COP1: variants seen among roughly 807,000 people sequenced by gnomAD.
COP1 encodes E3 ubiquitin-protein ligase COP1.
COP1 carries 24 observed loss-of-function variants against 101.3 expected under a neutral mutation model. That is an observed-to-expected ratio of 0.24 (90% CI 0.17 to 0.33). COP1 has a LOEUF of 0.33. Ranked by LOEUF, COP1 falls within the 10% of genes least tolerant of loss-of-function variation. The probability of loss-of-function intolerance (pLI) is 1.00; values close to 1 mark genes in which losing one functional copy is unlikely to be tolerated. For missense variants in COP1, 663 were observed against 906.2 expected (o/e 0.73, Z 3.45); for synonymous variants, 347 against 341.9 (o/e 1.01, Z -0.17).
At position 175,991,733 on chromosome 1, in the gene COP1, A is replaced by T. The variant is rs192098461; in HGVS notation, c.1730-2254T>A. Among the ~76,000 whole-genome samples the T allele has an allele frequency of 6.3e-3, 956 of 152,322 alleles. 8 individuals are homozygous for T. The highest frequency in any genetic ancestry group is 7.6e-3 in the Non-Finnish European group (518 of 68,018). ...AATTAAAATAGGAAAAAGCTTTTTA[A>T]ACTTTTTTGTTAAAAACTAAGAAAC... On this transcript the variant is annotated intron_variant, in intron 15 of 19. Coordinates refer to ENST00000367669, the MANE Select transcript of COP1 (RefSeq NM_022457.7).
At chr1:176,033,381 C>T (rs1008858485) in intron 14 of COP1, among the ~76,000 whole-genome samples, 1 of 152,004 alleles carries the variant, frequency 6.6e-6, no homozygotes, top group Non-Finnish European at 1.5e-5. Context: ...GAGCTGAGAT[C>T]GTGCCATTGC....
intron 1 of COP1, among the ~76,000 whole-genome samples, chr1:176,192,630 G>C (rs1479137531): frequency 6.6e-6 from 1 of 152,032 alleles, no homozygotes; most frequent in Non-Finnish European, 1.5e-5. Flanking sequence ...CATTTCAGAA[G>C]AGTACCCAAT....
chr1:176,151,111 A>G (rs981638542), intron 5 of COP1, among the ~76,000 whole-genome samples: 6 of 152,070 alleles, frequency 3.9e-5, no homozygotes, highest in Non-Finnish European at 5.9e-5. Context: ...ATGAAAGTCC[A>G]AGAAGTCAAT....
intron 10 of COP1, among the ~76,000 whole-genome samples, chr1:176,084,112 G>A (rs1379893560): frequency 6.6e-6 from 1 of 151,916 alleles, no homozygotes; most frequent in African/African-American, 2.4e-5. Context: ...TTAAAGGTCT[G>A]CCACTTGCCT....
At chr1:176,019,463 AAATAAT>A (rs34362717) in intron 15 of COP1, among the ~76,000 whole-genome samples, 11,450 of 132,244 alleles carry the variant, frequency 0.087, 587 homozygotes, top group Middle Eastern at 0.14. Context: ...ACTCCATCTC[AAATAAT>A]AATAATAATA....
chr1:176,043,780 G>A lies in COP1; in HGVS notation c.1460C>T (p.Ala487Val). The A allele has an allele frequency of 6.2e-7, 1 of 1,611,392 alleles. No individual in the cohort carries two copies. Among genetic ancestry groups the A allele is most frequent in the Non-Finnish European group, 8.5e-7 (1 of 1,177,684 alleles). The change falls in exon 13 of 20, where the codon GCT (alanine) becomes GTT (valine). Residue 487 changes from alanine (A) to valine (V), a missense_variant. Physicochemically the swap from Ala to Val is moderately conservative, Grantham distance 64. Coordinates refer to ENST00000367669, the MANE Select transcript of COP1 (RefSeq NM_022457.7). ...AACAGTGCCTTCATAATCACTGCTA[G>A]CTAACAGGTTCTTATGGTAACTACT... ...SWSSYHKNLL[A>V]SSDYEGTVIL...
chr1:176,086,366 C>A (rs545226636), intron 9 of COP1, among the ~76,000 whole-genome samples: 1 of 151,720 alleles, frequency 6.6e-6, no homozygotes, highest in African/African-American at 2.4e-5. Flanking sequence ...GCTGGGACTA[C>A]AGCCGCCCGC....
chr1:176,172,845 G>GT (rs957289525), intron 3 of COP1, among the ~76,000 whole-genome samples: 5 of 152,190 alleles, frequency 3.3e-5, no homozygotes, highest in African/African-American at 1.2e-4. Context: ...CACACCTAGT[G>GT]TAAGACCTTA....
intron 11 of COP1, among the ~76,000 whole-genome samples, chr1:176,048,002 AT>A (rs1671805647): frequency 6.6e-6 from 1 of 151,580 alleles, no homozygotes; most frequent in East Asian, 2.0e-4. Flanking sequence ...GAACCCAGGA[AT>A]TTGAAGCTGC....
In COP1 at chr1:176,126,753, T is replaced by A. The variant is rs189921530; in HGVS notation, c.968+8257A>T. 3.3e-5 allele frequency among the ~76,000 whole-genome samples: 5 copies of A among 152,222 alleles called. No individual in the cohort carries two copies. The East Asian group carries it at 9.7e-4, about 29-fold the overall frequency. On this transcript the variant is annotated intron_variant, in intron 8 of 19. Transcript: ENST00000367669. ...AGGCATGAGCCACTGCACCTGGCCA[T>A]CAACATCACTTTTTAAGTATCAACT...
intron 15 of COP1, among the ~76,000 whole-genome samples, chr1:175,992,004 GTA>G (rs1658617377): frequency 1.3e-5 from 2 of 152,050 alleles, no homozygotes; most frequent in African/African-American, 4.8e-5. Context: ...TAATAAACAA[GTA>G]TATAGTTATT....
intron 18 of COP1, among the ~76,000 whole-genome samples, chr1:175,965,662 C>T (rs560942958): frequency 1.3e-5 from 2 of 151,900 alleles, no homozygotes; most frequent in Non-Finnish European, 2.9e-5. Flanking sequence ...AGTCTCGGCT[C>T]ACTGCAACCT....
At chr1:176,202,583 C>A (rs1029819041) in intron 1 of COP1, among the ~76,000 whole-genome samples, 1 of 151,584 alleles carries the variant, frequency 6.6e-6, no homozygotes, top group African/African-American at 2.4e-5. Context: ...CTCTAATCCC[C>A]GCTGCTTGAG....
intron 15 of COP1, among the ~76,000 whole-genome samples, chr1:175,993,243 T>C (rs909465535): frequency 6.6e-6 from 1 of 152,144 alleles, no homozygotes; most frequent in African/African-American, 2.4e-5. Context: ...AACCCATCTG[T>C]ATATCACCAC....
chr1:176,151,345 AAGAAAG>A (rs1209095870), intron 5 of COP1, among the ~76,000 whole-genome samples: 9 of 137,148 alleles, frequency 6.6e-5, no homozygotes, highest in Non-Finnish European at 1.1e-4. Context: ...GAAGGAAGGA[AAGAAAG>A]AAAAAGAAAG....
chr1:176,066,691 T>C (rs746183852), intron 11 of COP1, among the ~76,000 whole-genome samples: 4 of 152,168 alleles, frequency 2.6e-5, no homozygotes, highest in African/African-American at 4.8e-5. Context: ...CAAGATGAAA[T>C]ATCAGTTATT....
At chr1:175,998,993 T>A (rs1285599028) in intron 15 of COP1, among the ~76,000 whole-genome samples, 1 of 152,038 alleles carries the variant, frequency 6.6e-6, no homozygotes, top group Non-Finnish European at 1.5e-5. Flanking sequence ...AACTGATGGG[T>A]TTCTATGACT....
intron 15 of COP1, among the ~76,000 whole-genome samples, chr1:176,002,818 C>G (rs1169320740): frequency 7.5e-5 from 11 of 146,360 alleles, no homozygotes; most frequent in Non-Finnish European, 1.4e-4. Context: ...AATAAACATA[C>G]GTGTGCATGT....
At chr1:175,975,645 G>A (rs1654355609) in intron 18 of COP1, among the ~76,000 whole-genome samples, 1 of 152,060 alleles carries the variant, frequency 6.6e-6, no homozygotes, top group Admixed American at 6.6e-5. Flanking sequence ...CTAGCCTCAA[G>A]TGATCCACCC....
Sources: gnomAD v4.1 joint callset for allele counts (sites outside exome capture counted in the v4.1 genomes callset) on GRCh38, gnomAD v4.1.1 for gene constraint, MANE v1.5 for transcripts, NCBI Gene and HGNC (gene_info 2026-07-23, HGNC 2026-07-21) for gene names.